Variants in GRM8 observed in about 807,000 individuals in gnomAD.
GRM8 encodes the protein glutamate metabotropic receptor 8.
Under a neutral mutation model 87.2 loss-of-function variants are expected in GRM8, and 47 were observed. The ratio of observed to expected loss-of-function variants is 0.54; its 90% CI spans 0.43 to 0.69. The LOEUF (loss-of-function observed/expected upper bound fraction) is 0.69, where lower values mean the gene tolerates loss of function less well. Among genes scored for constraint, GRM8 ranks in the 30% least tolerant of loss-of-function variants. The probability of loss-of-function intolerance (pLI) is 0.00; values close to 1 mark genes in which losing one functional copy is unlikely to be tolerated. For synonymous variants in GRM8, 396 were observed against 404.5 expected, an observed-to-expected ratio of 0.98 and a Z score of 0.25; for missense variants, 1,019 against 1,139.2, an observed-to-expected ratio of 0.89 and a Z score of 1.52.
chr7:126,584,098 G>C (rs139481194), intron 8 of GRM8, among the ~76,000 whole-genome samples: 1 of 152,252 alleles, frequency 6.6e-6, no homozygotes, highest in East Asian at 1.9e-4. Context: ...CCAACAAAAA[G>C]ATTATGACTC....
intron 6 of GRM8, among the ~76,000 whole-genome samples, chr7:126,807,904 A>G (rs982267170): frequency 6.6e-6 from 1 of 152,272 alleles, no homozygotes; most frequent in South Asian, 2.1e-4. Flanking sequence ...ACTTAAATGT[A>G]TGTTGGTTGG....
At chr7:126,821,473 G>A (rs563418548) in intron 6 of GRM8, among the ~76,000 whole-genome samples, 2 of 152,072 alleles carry the variant, frequency 1.3e-5, no homozygotes, top group East Asian at 1.9e-4. Context: ...GTATAGTTAC[G>A]AACAGGGAAT....
intron 2 of GRM8, among the ~76,000 whole-genome samples, chr7:127,214,578 G>A (rs1009944627): frequency 6.6e-6 from 1 of 152,226 alleles, no homozygotes; most frequent in African/African-American, 2.4e-5. Context: ...GAAGGCGAAA[G>A]AGAAGCAAGT....
chr7:126,501,442 A>C (rs1034730676), intron 9 of GRM8, among the ~76,000 whole-genome samples: 5 of 152,052 alleles, frequency 3.3e-5, no homozygotes, highest in Admixed American at 1.3e-4. Context: ...AAGACTCCAA[A>C]AGATACCTGC....
chr7:126,659,141 G>A (rs574230860), intron 7 of GRM8, among the ~76,000 whole-genome samples: 33 of 150,060 alleles, frequency 2.2e-4, no homozygotes, highest in South Asian at 1.7e-3. Flanking sequence ...GCTGCCTTCA[G>A]CCCAATCCTT....
intron 3 of GRM8, among the ~76,000 whole-genome samples, chr7:127,008,735 C>T (rs1352947544): frequency 6.6e-6 from 1 of 152,066 alleles, no homozygotes; most frequent in Non-Finnish European, 1.5e-5. Context: ...AAAACAGCCT[C>T]TGTTCCCAGG....
At chr7:126,638,435 C>A (rs1035404702) in intron 7 of GRM8, among the ~76,000 whole-genome samples, 1 of 152,002 alleles carries the variant, frequency 6.6e-6, no homozygotes, top group African/African-American at 2.4e-5. Context: ...GGGAAGTTAA[C>A]CCACTAATTT....
intron 9 of GRM8, among the ~76,000 whole-genome samples, chr7:126,529,927 T>A (rs1814537271): frequency 1.3e-5 from 2 of 152,218 alleles, no homozygotes; most frequent in Non-Finnish European, 2.9e-5. Context: ...GGTGCATTTA[T>A]ACCATAATTT....
At chr7:126,660,035 C>T (rs937768907) in intron 7 of GRM8, among the ~76,000 whole-genome samples, 46 of 152,080 alleles carry the variant, frequency 3.0e-4, no homozygotes, top group African/African-American at 1.1e-3. Context: ...AGAGGGGAGG[C>T]CTTTAGTTTT....
intron 6 of GRM8, among the ~76,000 whole-genome samples, chr7:126,858,207 G>A (rs188549804): frequency 1.3e-4 from 20 of 152,226 alleles, no homozygotes; most frequent in Non-Finnish European, 1.5e-5. Context: ...ATATCTTGGT[G>A]GTTTTGATCT....
intron 3 of GRM8, among the ~76,000 whole-genome samples, chr7:126,906,780 T>C (rs1210886121): frequency 6.6e-6 from 1 of 152,226 alleles, no homozygotes; most frequent in Non-Finnish European, 1.5e-5. Flanking sequence ...ATAGCAGGAC[T>C]CTTAGTAACC....
chr7:127,070,747 T>C (rs185919691), intron 3 of GRM8, among the ~76,000 whole-genome samples: 1 of 152,304 alleles, frequency 6.6e-6, no homozygotes, highest in East Asian at 1.9e-4. Flanking sequence ...GAAGGGACTA[T>C]GATTATCCCC....
intron 3 of GRM8, among the ~76,000 whole-genome samples, chr7:126,989,676 T>C (rs1294296688): frequency 2.0e-5 from 3 of 152,222 alleles, no homozygotes; most frequent in Non-Finnish European, 4.4e-5. Flanking sequence ...GCACGGTGGC[T>C]CATGCCTATG....
At chr7:126,891,848 A>G (rs1419157715) in intron 6 of GRM8, among the ~76,000 whole-genome samples, 1 of 151,986 alleles carries the variant, frequency 6.6e-6, no homozygotes, top group Admixed American at 6.6e-5. Flanking sequence ...TGTCCTTGAC[A>G]TCTAATAGCT....
At chr7:126,818,937 CA>C (rs1794030597) in intron 6 of GRM8, among the ~76,000 whole-genome samples, 1 of 152,068 alleles carries the variant, frequency 6.6e-6, no homozygotes, top group African/African-American at 2.4e-5. Flanking sequence ...GGATTCCTTC[CA>C]AATCCAATTA....
chr7:126,712,485 G>A (rs1169481404), intron 7 of GRM8, among the ~76,000 whole-genome samples: 3 of 152,144 alleles, frequency 2.0e-5, no homozygotes, highest in Admixed American at 6.5e-5. Flanking sequence ...AGCACCCACC[G>A]ACTTGAAATA....
intron 3 of GRM8, among the ~76,000 whole-genome samples, chr7:126,969,179 C>A (rs1023751498): frequency 9.9e-5 from 15 of 152,100 alleles, no homozygotes; most frequent in African/African-American, 3.6e-4. Context: ...TTGATGGCTG[C>A]TGACTGATCA....
intron 2 of GRM8, among the ~76,000 whole-genome samples, chr7:127,217,899 T>C (rs1165095630): frequency 1.3e-5 from 2 of 152,234 alleles, no homozygotes; most frequent in Non-Finnish European, 2.9e-5. Flanking sequence ...TTTTGGTAAA[T>C]TCCAAAGCCT....
intron 2 of GRM8, among the ~76,000 whole-genome samples, chr7:127,133,981 A>G (rs1454356750): frequency 6.6e-6 from 1 of 152,150 alleles, no homozygotes; most frequent in Admixed American, 6.6e-5. Context: ...CTGGGTGTGT[A>G]CACTACTTCC....
Sources: gnomAD v4.1 joint callset for allele counts (sites outside exome capture counted in the v4.1 genomes callset) on GRCh38, gnomAD v4.1.1 for gene constraint, MANE v1.5 for transcripts, NCBI Gene and HGNC (gene_info 2026-07-23, HGNC 2026-07-21) for gene names.